POT1: variants seen among roughly 807,000 people sequenced by gnomAD.
POT1 encodes protection of telomeres protein 1.
POT1 carries 47 observed loss-of-function variants against 78.5 expected under a neutral mutation model. The ratio of observed to expected loss-of-function variants is 0.60; its 90% CI spans 0.47 to 0.76. The LOEUF is 0.76. POT1 is among the 30% of genes least tolerant of loss of function. POT1 has a pLI of 0.00. For missense variants in POT1, 646 were observed against 749.9 expected, an observed-to-expected ratio of 0.86 and a Z score of 1.62; for synonymous variants, 259 against 260.7, an observed-to-expected ratio of 0.99 and a Z score of 0.06.
At chr7:124,838,655 G>C (rs947721315) in intron 14 of POT1, among the ~76,000 whole-genome samples, 5 of 151,912 alleles carry the variant, frequency 3.3e-5, no homozygotes, top group African/African-American at 1.2e-4. Context: ...ACCCAGGCTG[G>C]AGTGCAATGG....
At chr7:124,852,049 T>C (rs1341100258) in intron 10 of POT1, 98 bp from the exon 11 acceptor site, 9 of 823,252 alleles carry the variant, frequency 1.1e-5, no homozygotes, top group South Asian at 3.3e-5. Context: ...TGAAATTGTA[T>C]ATAAAATTTT....
intron 2 of POT1, among the ~76,000 whole-genome samples, chr7:124,923,615 A>G (rs1163470613): frequency 1.3e-5 from 2 of 151,880 alleles, no homozygotes; most frequent in Non-Finnish European, 2.9e-5. Context: ...ATTTAAGGAA[A>G]TAATCAATGA....
At chr7:124,894,818 G>T (rs140885282) in intron 5 of POT1, among the ~76,000 whole-genome samples, 26 of 151,680 alleles carry the variant, frequency 1.7e-4, no homozygotes, top group African/African-American at 5.8e-4. Flanking sequence ...AGTGTAGTTA[G>T]TAGGAGAATG....
intron 6 of POT1, among the ~76,000 whole-genome samples, chr7:124,884,189 CA>C (rs1414777238): frequency 6.6e-6 from 1 of 151,770 alleles, no homozygotes; most frequent in African/African-American, 2.4e-5. Context: ...TATTACATAA[CA>C]AAAAACAGCA....
At chr7:124,837,867 T>A (rs377704944) in intron 14 of POT1, among the ~76,000 whole-genome samples, 1 of 152,176 alleles carries the variant, frequency 6.6e-6, no homozygotes, top group East Asian at 1.9e-4. Flanking sequence ...CAAATGAGAT[T>A]TATTTTAGGT....
rs1346549756 is a variant in POT1 at position 124,823,108 on chromosome 7, T to G, written c.*854A>C. 1 of 153,308 alleles carries G rather than the reference T, an allele frequency of 6.5e-6. No individual in the cohort carries two copies. The highest frequency in any genetic ancestry group is 2.4e-5 in the African/African-American group (1 of 41,450). The allele number at this position is 153,308 out of a possible 1,614,324, so 9.5% of individuals were successfully genotyped here. On this transcript the variant is annotated 3_prime_UTR_variant, in exon 19 of 19. Transcript: ENST00000357628. ...CAGATTTCTTATCGGAAAAATAGGTTGCTGTGAGGATCAAATACATGTTTA... is the reference window on the plus strand; with the variant it reads ...CAGATTTCTTATCGGAAAAATAGGTGGCTGTGAGGATCAAATACATGTTTA...
intron 7 of POT1, among the ~76,000 whole-genome samples, chr7:124,865,882 C>A (rs1410142008): frequency 2.0e-5 from 3 of 151,930 alleles, no homozygotes; most frequent in Non-Finnish European, 2.9e-5. Context: ...TTAATAAAGA[C>A]AACATTTGGG....
chr7:124,872,497 T>C (rs1490030781), intron 6 of POT1, among the ~76,000 whole-genome samples: 1 of 152,214 alleles, frequency 6.6e-6, no homozygotes, highest in East Asian at 1.9e-4. Context: ...TGTCACTTAG[T>C]AGCTGTTTCA....
chr7:124,847,772 T>C (rs561400399), intron 11 of POT1, among the ~76,000 whole-genome samples: 26 of 152,336 alleles, frequency 1.7e-4, no homozygotes, highest in African/African-American at 6.3e-4. Flanking sequence ...TTTTGATTTT[T>C]TACTAAAGCA....
chr7:124,822,604 A>C lies in POT1; in HGVS notation c.*1358T>G. Reference sequence around the variant, plus strand: ...CCTTTGTATCCTGAGCACATCATCAACACGGAAACACACCTGTTCAACTGT... The same window carrying C: ...CCTTTGTATCCTGAGCACATCATCACCACGGAAACACACCTGTTCAACTGT... On this transcript the variant is annotated 3_prime_UTR_variant, in exon 19 of 19. Transcript: ENST00000357628. 2.2e-6 allele frequency: 1 copy of C among 447,120 alleles called. No individual in the cohort carries two copies. The highest frequency in any genetic ancestry group is 1.6e-5 in the South Asian group (1 of 63,280). The allele number at this position is 447,120 out of a possible 1,614,324, so 27.7% of individuals were successfully genotyped here.
chr7:124,866,100 T>C (rs1206085314), intron 7 of POT1, among the ~76,000 whole-genome samples: 3 of 152,202 alleles, frequency 2.0e-5, no homozygotes, highest in African/African-American at 7.2e-5. Flanking sequence ...CTGGTCATCT[T>C]AAACTCATGA....
intron 6 of POT1, among the ~76,000 whole-genome samples, chr7:124,871,583 CTAGTCACCTATA>C (rs1443439948): frequency 1.3e-5 from 2 of 151,954 alleles, no homozygotes. Context: ...GTAATTCTTG[CTAGTCACCTATA>C]AAAAATTATA....
intron 13 of POT1, among the ~76,000 whole-genome samples, chr7:124,841,448 A>G (rs1488798126): frequency 6.6e-6 from 1 of 151,918 alleles, no homozygotes; most frequent in African/African-American, 2.4e-5. Context: ...TTTGTGATAC[A>G]AAGTTACTCA....
intron 6 of POT1, among the ~76,000 whole-genome samples, chr7:124,889,981 A>T (rs559770800): frequency 9.2e-5 from 14 of 151,900 alleles, no homozygotes; most frequent in East Asian, 1.9e-4. Context: ...GTCATTATTT[A>T]AAAAAAATAC....
intron 16 of POT1, 164 bp downstream of exon 16, chr7:124,829,090 C>A: frequency 1.3e-6 from 1 of 762,488 alleles, no homozygotes. Context: ...TAAAGGAAGG[C>A]TTGGCAGATA....
At chr7:124,923,459 A>G (rs1014262902) in intron 2 of POT1, among the ~76,000 whole-genome samples, 1 of 151,868 alleles carries the variant, frequency 6.6e-6, no homozygotes, top group Non-Finnish European at 1.5e-5. Flanking sequence ...GAAATTTTGA[A>G]ATAATGCGGT....
intron 2 of POT1, among the ~76,000 whole-genome samples, chr7:124,920,760 T>A (rs868250882): frequency 2.9e-4 from 44 of 152,102 alleles, no homozygotes; most frequent in African/African-American, 1.0e-3. Context: ...TAGTAGATAC[T>A]AATGTGTTCA....
At chr7:124,864,369 G>A (rs1490286911) in intron 7 of POT1, among the ~76,000 whole-genome samples, 1 of 151,762 alleles carries the variant, frequency 6.6e-6, no homozygotes, top group Non-Finnish European at 1.5e-5. Context: ...GATTATTTTT[G>A]TTCAGTCAAT....
intron 6 of POT1, among the ~76,000 whole-genome samples, 177 bp from the exon 7 acceptor site, chr7:124,871,218 G>A (rs1183541255): frequency 6.6e-6 from 1 of 152,008 alleles, no homozygotes; most frequent in African/African-American, 2.4e-5. Flanking sequence ...TTATTTTGCA[G>A]AAGTGTTCTA....
Sources: allele counts gnomAD v4.1 joint callset (sites outside exome capture counted in the v4.1 genomes callset), GRCh38; gene constraint gnomAD v4.1.1; transcripts MANE v1.5; gene names NCBI Gene and HGNC (gene_info 2026-07-23, HGNC 2026-07-21).